Variants in PDE11A observed in about 807,000 individuals in gnomAD.
PDE11A encodes the protein dual 3',5'-cyclic-AMP and -GMP phosphodiesterase 11A.
PDE11A carries 100 observed loss-of-function variants against 100.5 expected under a neutral mutation model. That is an observed-to-expected ratio of 1.00 (90% CI 0.85 to 1.18). The LOEUF (loss-of-function observed/expected upper bound fraction) is 1.18. Among genes scored for constraint, PDE11A ranks in the 50% most tolerant of loss-of-function variants. The pLI is 0.00. For missense variants in PDE11A, 1,141 were observed against 1,152.6 expected (o/e 0.99, Z 0.15); for synonymous variants, 381 against 420.8 (o/e 0.91, Z 1.16).
intron 2 of PDE11A, among the ~76,000 whole-genome samples, chr2:177,979,766 A>T (rs1033606986): frequency 2.0e-5 from 3 of 148,796 alleles, no homozygotes; most frequent in African/African-American, 7.3e-5. Flanking sequence ...GCCTGCCACC[A>T]CGCCCGGCTC....
chr2:178,074,818 G>A (rs376306765), upstream of PDE11A, among the ~76,000 whole-genome samples: 8 of 152,314 alleles, frequency 5.3e-5, no homozygotes, highest in East Asian at 7.7e-4. Flanking sequence ...ATCGGCTGTA[G>A]CCATGTTCCC....
At chr2:177,906,085 T>C (rs1346341464) in intron 2 of PDE11A, among the ~76,000 whole-genome samples, 1 of 152,148 alleles carries the variant, frequency 6.6e-6, no homozygotes, top group Non-Finnish European at 1.5e-5. Context: ...ATGAAACAAG[T>C]GACATACTTG....
chr2:177,967,382 G>A (rs528392211), intron 2 of PDE11A, among the ~76,000 whole-genome samples: 8 of 151,760 alleles, frequency 5.3e-5, no homozygotes, highest in African/African-American at 1.4e-4. Context: ...AGTTTTAGTA[G>A]AGACAAGGTT....
chr2:177,644,373 T>G (rs1392709539), intron 19 of PDE11A, among the ~76,000 whole-genome samples: 1 of 152,262 alleles, frequency 6.6e-6, no homozygotes, highest in Admixed American at 6.5e-5. Flanking sequence ...TCAAAGGAGA[T>G]AATTTCGGAA....
chr2:177,729,490 G>A (rs1006091865), intron 10 of PDE11A, among the ~76,000 whole-genome samples: 1 of 151,990 alleles, frequency 6.6e-6, no homozygotes, highest in African/African-American at 2.4e-5. Context: ...CTCTCATTTT[G>A]GTGAGACACA....
At chr2:177,956,669 A>G (rs896446873) in intron 2 of PDE11A, among the ~76,000 whole-genome samples, 3 of 152,274 alleles carry the variant, frequency 2.0e-5, no homozygotes, top group African/African-American at 7.2e-5. Flanking sequence ...CTAAATGTCC[A>G]ACAACGATAG....
chr2:178,011,508 A>T (rs2086274093), intron 2 of PDE11A, among the ~76,000 whole-genome samples: 1 of 152,188 alleles, frequency 6.6e-6, no homozygotes, highest in Non-Finnish European at 1.5e-5. Flanking sequence ...GGTATAGGGG[A>T]AGAGGTGCAG....
intron 2 of PDE11A, among the ~76,000 whole-genome samples, chr2:177,988,532 A>T (rs2085966545): frequency 6.6e-6 from 1 of 152,210 alleles, no homozygotes; most frequent in African/African-American, 2.4e-5. Context: ...GTCACAAGGG[A>T]CCCCATGCTT....
intron 2 of PDE11A, among the ~76,000 whole-genome samples, chr2:178,087,067 T>C (rs2087366568): frequency 1.3e-5 from 2 of 152,212 alleles, no homozygotes; most frequent in South Asian, 4.1e-4. Context: ...CTGGGCGCTG[T>C]GGCTCACACC....
intron 9 of PDE11A, among the ~76,000 whole-genome samples, chr2:177,810,811 T>G (rs201547049): frequency 0.031 from 3,765 of 120,676 alleles, 74 homozygotes; most frequent in South Asian, 0.054. Context: ...AGAAGGCTAT[T>G]GCAATTGTCC....
intron 1 of PDE11A, among the ~76,000 whole-genome samples, chr2:178,017,295 G>A (rs531653323): frequency 1.3e-5 from 2 of 152,176 alleles, no homozygotes; most frequent in South Asian, 2.1e-4. Context: ...AATTAAAAAC[G>A]TGAAGCCATT....
chr2:177,875,936 A>C lies in PDE11A; in HGVS notation c.1303-13T>G. ...TAAATTTCACCACCTGTCGCATAGAAAGATAATAAATCCAGGTCAATTAAA... is the reference window on the plus strand; with the variant it reads ...TAAATTTCACCACCTGTCGCATAGACAGATAATAAATCCAGGTCAATTAAA... On this transcript the variant is annotated splice_polypyrimidine_tract_variant and intron_variant, in intron 4 of 19. Transcript: ENST00000286063. 6.4e-7 allele frequency: 1 copy of C among 1,551,142 alleles called. No individual in the cohort carries two copies. Among genetic ancestry groups the C allele is most frequent in the Non-Finnish European group, 8.9e-7 (1 of 1,122,516 alleles).
At chr2:177,789,789 G>A (rs147150124) in intron 9 of PDE11A, among the ~76,000 whole-genome samples, 50,356 of 151,634 alleles carry the variant, frequency 0.33, 8,734 homozygotes, top group African/African-American at 0.39. Context: ...CCCATTCACA[G>A]CTGCTTCAAA....
intron 2 of PDE11A, among the ~76,000 whole-genome samples, chr2:177,946,051 T>TGG (rs745374718): frequency 1.4e-3 from 96 of 69,824 alleles, no homozygotes; most frequent in Non-Finnish European, 2.2e-3. Flanking sequence ...GGGAGGGAGG[T>TGG]GGGGGGGTCA....
intron 5 of PDE11A, among the ~76,000 whole-genome samples, chr2:177,852,263 T>C (rs895717114): frequency 1.3e-5 from 2 of 152,158 alleles, no homozygotes; most frequent in Non-Finnish European, 2.9e-5. Context: ...CAAGGAATGA[T>C]TGTCAGTTGC....
At chr2:177,969,265 C>T (rs566943684) in intron 2 of PDE11A, among the ~76,000 whole-genome samples, 3 of 151,960 alleles carry the variant, frequency 2.0e-5, no homozygotes, top group African/African-American at 4.8e-5. Context: ...CCGGTCCTGT[C>T]GGGGTTGGGA....
chr2:177,751,873 T>C (rs2082030624), intron 10 of PDE11A, among the ~76,000 whole-genome samples: 1 of 152,218 alleles, frequency 6.6e-6, no homozygotes, highest in South Asian at 2.1e-4. Context: ...TTCCATCTTA[T>C]TTAATCCTGA....
At chr2:177,633,410 C>CTCCA (rs1314212828) in intron 19 of PDE11A, among the ~76,000 whole-genome samples, 24 of 152,176 alleles carry the variant, frequency 1.6e-4, no homozygotes, top group Admixed American at 1.6e-3. Flanking sequence ...TAATCCTCTG[C>CTCCA]TCCAGGGAGT....
chr2:177,989,703 G>A (rs2085980501), intron 2 of PDE11A, among the ~76,000 whole-genome samples: 1 of 152,096 alleles, frequency 6.6e-6, no homozygotes, highest in Non-Finnish European at 1.5e-5. Context: ...CTGAGGTTAG[G>A]AGCATTTATC....
Sources: allele counts gnomAD v4.1 joint callset (sites outside exome capture counted in the v4.1 genomes callset), GRCh38; gene constraint gnomAD v4.1.1; transcripts MANE v1.5; gene names NCBI Gene and HGNC (gene_info 2026-07-23, HGNC 2026-07-21).